Variants in CYFIP1 observed in about 807,000 individuals in gnomAD.
CYFIP1 encodes the protein cytoplasmic FMR1-interacting protein 1.
A neutral mutation model predicts 163.5 loss-of-function variants in CYFIP1; 58 were observed. The observed-to-expected ratio is 0.35, with a 90% CI of 0.29 to 0.44. The LOEUF (loss-of-function observed/expected upper bound fraction) is 0.44. CYFIP1 is among the 20% of genes least tolerant of loss of function. The pLI is 1.00. For synonymous variants in CYFIP1, 663 were observed against 660.7 expected, an observed-to-expected ratio of 1.00 and a Z score of -0.05; for missense variants, 1,338 against 1,653.8, an observed-to-expected ratio of 0.81 and a Z score of 3.31.
intron 1 of CYFIP1, among the ~76,000 whole-genome samples, chr15:22,971,654 C>T (rs1328062166): frequency 6.8e-6 from 1 of 147,652 alleles, no homozygotes; most frequent in Non-Finnish European, 1.5e-5. Context: ...CTAGCCTGAG[C>T]AACAAGACCA....
intron 14 of CYFIP1, among the ~76,000 whole-genome samples, chr15:22,918,448 A>G (rs1022340431): frequency 3.3e-5 from 5 of 152,132 alleles, no homozygotes; most frequent in African/African-American, 1.2e-4. Flanking sequence ...AGCCTGGGAT[A>G]AATGCACCTT....
In CYFIP1 at chr15:22,874,594, G is replaced by GGGCGTA. The variant is rs751664651; in HGVS notation, c.3160_3165dup (p.Tyr1054_Ala1055dup). ...TCAATCAGTGGGACAAGATGCAGCG[G>GGGCGTA]GGCGTACTTTGATTCTAGTCTTTTC... On this transcript the variant is annotated inframe_insertion, in exon 28 of 31. Coordinates refer to ENST00000617928, the MANE Select transcript of CYFIP1 (RefSeq NM_014608.6). 1 of 1,607,344 alleles carries GGGCGTA rather than the reference G, an allele frequency of 6.2e-7. No homozygotes were observed. Among genetic ancestry groups the GGGCGTA allele is most frequent in the Non-Finnish European group, 8.5e-7 (1 of 1,177,524 alleles).
chr15:22,958,422 G>A (rs78494964), intron 1 of CYFIP1, among the ~76,000 whole-genome samples: 4,430 of 152,214 alleles, frequency 0.029, 183 homozygotes, highest in African/African-American at 0.088. Flanking sequence ...CCTCAAAAGC[G>A]GCCACTCAAA....
At chr15:22,909,104 G>A (rs1187924822) in intron 21 of CYFIP1, 90 bp downstream of exon 21, 4 of 1,528,200 alleles carry the variant, frequency 2.6e-6, no homozygotes, top group Admixed American at 1.7e-5. Context: ...TATAGGCCAC[G>A]CCCGATGAGT....
At chr15:22,921,071 G>C (rs7495262) in intron 13 of CYFIP1, among the ~76,000 whole-genome samples, 3 of 152,012 alleles carry the variant, frequency 2.0e-5, no homozygotes, top group African/African-American at 7.3e-5. Flanking sequence ...CAAAATCGAA[G>C]AAAAATAACT....
chr15:22,921,369 AAAATAAATAAATAAAT>A lies in CYFIP1; in HGVS notation c.1360-2527_1360-2512del, dbSNP rs111633687. Among the ~76,000 whole-genome samples the A allele has an allele frequency of 4.0e-5, 6 of 148,946 alleles. No homozygotes were observed. In the South Asian group the frequency reaches 1.3e-3, roughly 32 times the overall value. On this transcript the variant is annotated intron_variant, in intron 13 of 30. Transcript: ENST00000617928. ...GGTGACACAGCGAGACTCTGTCTCAAAAATAAATAAATAAATAAATAAATAAATAAATAAATGTAAC... is the reference window on the plus strand; with the variant it reads ...GGTGACACAGCGAGACTCTGTCTCAAAAATAAATAAATAAATAAATGTAAC...
chr15:22,934,565 T>C, intron 9 of CYFIP1, among the ~76,000 whole-genome samples: 1 of 100,546 alleles, frequency 9.9e-6, no homozygotes. Flanking sequence ...TGGCGTGATC[T>C]TGGGTCACTG....
chr15:22,903,331 G>A (rs1437527675), intron 22 of CYFIP1, among the ~76,000 whole-genome samples: 3 of 150,162 alleles, frequency 2.0e-5, no homozygotes, highest in African/African-American at 7.3e-5. Flanking sequence ...AGCATCCACC[G>A]TTTCACCACC....
Position 22,927,954 on chromosome 15 carries a change from C to G in CYFIP1, c.1185G>C (p.Leu395=), listed in dbSNP as rs201166948. The part of the protein sequence containing the change: ...AEYRKLFDLA[L]QGLQLLSQWS... ...ACTGCGACAACAGCTGCAGGCCCTGCAGCGCCAGGTCGAAGAGCTTGCGGT... is the reference window on the plus strand; with the variant it reads ...ACTGCGACAACAGCTGCAGGCCCTGGAGCGCCAGGTCGAAGAGCTTGCGGT... Residue 395 remains leucine (L), a synonymous_variant, in exon 12 of 31, where the codon CTG becomes CTC. Transcript: ENST00000617928. 124 of 1,606,108 alleles carry G rather than the reference C, an allele frequency of 7.7e-5. No homozygotes were observed. Among genetic ancestry groups the G allele is most frequent in the Admixed American group, 2.4e-4 (14 of 58,298 alleles).
At chr15:22,942,089 C>T (rs913747805) in intron 6 of CYFIP1, among the ~76,000 whole-genome samples, 3 of 152,220 alleles carry the variant, frequency 2.0e-5, no homozygotes, top group African/African-American at 7.2e-5. Context: ...TTCTGAAGAT[C>T]TAGACTTCTG....
At position 22,917,677 on chromosome 15, in the gene CYFIP1, A is replaced by G; in HGVS notation, c.1674+111T>C. ...CCACAGGCGCCACTTTCTCTGCCTGAGCAGGCAGCGAGGACCTCATTTAAC... is the reference window on the plus strand; with the variant it reads ...CCACAGGCGCCACTTTCTCTGCCTGGGCAGGCAGCGAGGACCTCATTTAAC... On this transcript the variant is annotated intron_variant, in intron 15 of 30. Coordinates refer to ENST00000617928, the MANE Select transcript of CYFIP1 (RefSeq NM_014608.6). The surrounding 1 kb of genome is among the most constrained non-coding windows in gnomAD (Gnocchi z 4.2). The G allele has an allele frequency of 7.8e-7, 1 of 1,274,202 alleles. No homozygotes were observed. The highest frequency in any genetic ancestry group is 1.5e-5 in the South Asian group (1 of 64,942). The allele number at this position is 1,274,202 out of a possible 1,614,324, so 78.9% of individuals were successfully genotyped here.
rs1293708991 is a variant in CYFIP1 at position 22,869,283 on chromosome 15, G to A, written c.*745C>T. 2.0e-5 allele frequency: 3 copies of A among 150,930 alleles called. No individual in the cohort carries two copies. The highest frequency in any genetic ancestry group is 4.9e-5 in the African/African-American group (2 of 40,408). The allele number at this position is 150,930 out of a possible 1,614,324, so 9.3% of individuals were successfully genotyped here. ...GCCGTTTTACACCTCATTTGCCTGC[G>A]GAACCCTAAATATAAAGCTAAACCT... On this transcript the variant is annotated 3_prime_UTR_variant, in exon 31 of 31. Transcript: ENST00000617928.
At chr15:22,921,764 C>CA (rs35027433) in intron 13 of CYFIP1, among the ~76,000 whole-genome samples, 19,454 of 57,748 alleles carry the variant, frequency 0.34, 1,818 homozygotes, top group African/African-American at 0.37. Context: ...GACTCTGTCT[C>CA]AAAAAAAAAA....
intron 6 of CYFIP1, among the ~76,000 whole-genome samples, chr15:22,939,928 G>A (rs2061843410): frequency 6.6e-6 from 1 of 152,208 alleles, no homozygotes. Flanking sequence ...GCACTGCTGA[G>A]GTTCTCTGCT....
At chr15:22,943,436 CACTGCTCCTCGATGAGAA>C (rs1382551859) in intron 5 of CYFIP1, 82 bp from the exon 6 acceptor site, 8 of 1,429,290 alleles carry the variant, frequency 5.6e-6, no homozygotes, top group Non-Finnish European at 7.7e-6. Context: ...CACCTGCAGT[CACTGCTCCTCGATGAGAA>C]ACGATCTGCC....
intron 1 of CYFIP1, among the ~76,000 whole-genome samples, chr15:22,964,274 C>CCACA (rs60879784): frequency 0.15 from 14,523 of 96,964 alleles, 1,583 homozygotes; most frequent in Non-Finnish European, 0.18. Flanking sequence ...CTCCTCCTCA[C>CCACA]CACACACACA....
chr15:22,898,818 A>G (rs2060309528), intron 22 of CYFIP1, among the ~76,000 whole-genome samples: 1 of 152,068 alleles, frequency 6.6e-6, no homozygotes, highest in South Asian at 2.1e-4. Flanking sequence ...CCTGGCTAAA[A>G]TGGTGAAACC....
intron 1 of CYFIP1, among the ~76,000 whole-genome samples, chr15:22,953,799 T>C (rs1440512594): frequency 6.6e-6 from 1 of 152,236 alleles, no homozygotes; most frequent in Non-Finnish European, 1.5e-5. Context: ...CTCACGCCTG[T>C]AATCCCAGCA....
chr15:22,909,680 T>C (rs1194282746), intron 20 of CYFIP1, among the ~76,000 whole-genome samples: 1 of 152,218 alleles, frequency 6.6e-6, no homozygotes, highest in Non-Finnish European at 1.5e-5. Flanking sequence ...CATATTTTAC[T>C]AACTAGTTTT....
Sources: allele counts gnomAD v4.1 joint callset (sites outside exome capture counted in the v4.1 genomes callset), GRCh38; gene constraint gnomAD v4.1.1; non-coding constraint Gnocchi (gnomAD v3.1); transcripts MANE v1.5; gene names NCBI Gene and HGNC (gene_info 2026-07-23, HGNC 2026-07-21).